Variants in ALMS1 observed in about 807,000 individuals in gnomAD.
ALMS1 encodes the protein centrosome-associated protein ALMS1.
ALMS1 carries 271 observed loss-of-function variants against 352.2 expected under a neutral mutation model. That is an observed-to-expected ratio of 0.77 (90% confidence interval 0.70 to 0.85). The LOEUF (loss-of-function observed/expected upper bound fraction) is 0.85. Ranked by LOEUF, ALMS1 falls within the 40% of genes least tolerant of loss-of-function variation. The pLI is 0.00. For missense variants in ALMS1, 5,445 were observed against 4,870.7 expected, an observed-to-expected ratio of 1.12 and a Z score of -3.51; for synonymous variants, 1,865 against 1,761.2, an observed-to-expected ratio of 1.06 and a Z score of -1.48.
intron 1 of ALMS1, among the ~76,000 whole-genome samples, chr2:73,390,147 C>T (rs774616297): frequency 4.6e-5 from 7 of 151,928 alleles, no homozygotes; most frequent in Admixed American, 1.3e-4. Context: ...AGATGATTTT[C>T]TGTATTAAAG....
Position 73,455,225 on chromosome 2 carries a change from A to G in ALMS1, c.7604A>G (p.Asp2535Gly), listed in dbSNP as rs756141375. 6.2e-7 allele frequency: 1 copy of G among 1,613,990 alleles called. No individual in the cohort carries two copies. The highest frequency in any genetic ancestry group is 8.5e-7 in the Non-Finnish European group (1 of 1,179,942). Residue 2535 changes from aspartate (D) to glycine (G), a missense_variant, in exon 9 of 23, where the codon GAT (aspartate) becomes GGT (glycine). Asp to Gly is a moderately conservative substitution (Grantham distance 94). Transcript: ENST00000613296. ...TACTCCATTTCAGAATTAAATGAAG[A>G]TGACAGGAGGAAAGTAGAAGAGATC... is the stretch of plus-strand genomic sequence containing the variant. ...CGYSISELNE[D>G]DRRKVEEIKA... is the part of the protein sequence containing the mutation.
intron 16 of ALMS1, among the ~76,000 whole-genome samples, chr2:73,588,398 G>C (rs1675353930): frequency 1.3e-5 from 2 of 151,862 alleles, no homozygotes; most frequent in Non-Finnish European, 2.9e-5. Context: ...CGTTCTCTCT[G>C]GTTCCCACTG....
At position 73,519,841 on chromosome 2, in the gene ALMS1, T is replaced by G. The variant is rs569181993; in HGVS notation, c.9606T>G (p.Thr3202=). 6.2e-7 allele frequency: 1 copy of G among 1,614,060 alleles called. No homozygotes were observed. The highest frequency in any genetic ancestry group is 1.3e-5 in the African/African-American group (1 of 75,028). ...FSEKLSSDAV[T]QITTESPEKT... is the part of the protein sequence containing the mutation. ...AAAAATTGTCATCTGATGCAGTCAC[T>G]CAGATAACAACAGAAAGTCCAGAAA... Residue 3202 remains threonine, a synonymous_variant, in exon 11 of 23, where the codon ACT becomes ACG. Transcript: ENST00000613296.
At chr2:73,579,756 T>C (rs1675134084) in intron 16 of ALMS1, among the ~76,000 whole-genome samples, 1 of 152,250 alleles carries the variant, frequency 6.6e-6, no homozygotes, top group South Asian at 2.1e-4. Flanking sequence ...CAATTAATTT[T>C]ACCGAGGATC....
chr2:73,515,651 T>C (rs1218254135), intron 10 of ALMS1, among the ~76,000 whole-genome samples: 1 of 152,070 alleles, frequency 6.6e-6, no homozygotes, highest in Admixed American at 6.6e-5. Flanking sequence ...AAAAGTTGAT[T>C]CTTCCAAAGA....
At chr2:73,574,184 G>A (rs1430701750) in intron 16 of ALMS1, among the ~76,000 whole-genome samples, 1 of 152,074 alleles carries the variant, frequency 6.6e-6, no homozygotes, top group Non-Finnish European at 1.5e-5. Flanking sequence ...TCTTAAAGAA[G>A]GCACCACAGT....
At chr2:73,600,967 T>A in intron 18 of ALMS1, 86 bp downstream of exon 18, 4 of 1,481,840 alleles carry the variant, frequency 2.7e-6, no homozygotes, top group Non-Finnish European at 2.8e-6. Context: ...TCCAAGTGAC[T>A]CTATGTGGTC....
intron 15 of ALMS1, 142 bp from the exon 16 acceptor site, chr2:73,572,120 G>T (rs183755738): frequency 1.4e-4 from 96 of 697,690 alleles, no homozygotes; most frequent in African/African-American, 1.3e-3. Context: ...AGTCTTTTGT[G>T]CAGGCAGTGA....
At chr2:73,422,824 A>G (rs1287657157) in intron 3 of ALMS1, 33 bp from the exon 4 acceptor site, 2 of 1,528,486 alleles carry the variant, frequency 1.3e-6, no homozygotes, top group Non-Finnish European at 1.8e-6. Context: ...AATTTTCAGC[A>G]TTACCCAGCA....
At chr2:73,513,873 C>T (rs1328637123) in intron 10 of ALMS1, among the ~76,000 whole-genome samples, 2 of 152,162 alleles carry the variant, frequency 1.3e-5, no homozygotes, top group African/African-American at 4.8e-5. Flanking sequence ...TGGGCACCTT[C>T]CTTACCCTAA....
At chr2:73,471,625 G>A (rs114104052) in intron 9 of ALMS1, among the ~76,000 whole-genome samples, 1,760 of 151,554 alleles carry the variant, frequency 0.012, 32 homozygotes, top group African/African-American at 0.04. Flanking sequence ...ATTCAATATC[G>A]CTAATCATCA....
upstream of ALMS1, chr2:73,385,797 A>G (rs1044954486): frequency 7.8e-6 from 5 of 637,232 alleles, no homozygotes; most frequent in Admixed American, 2.4e-5. Flanking sequence ...CACAACCGCC[A>G]GTCAGGGCTC....
At chr2:73,531,672 T>C (rs1367421440) in intron 11 of ALMS1, among the ~76,000 whole-genome samples, 1 of 152,234 alleles carries the variant, frequency 6.6e-6, no homozygotes, top group Non-Finnish European at 1.5e-5. Context: ...TGTATTCATT[T>C]TCACACTGCT....
chr2:73,480,957 T>G (rs1184534823), intron 9 of ALMS1, among the ~76,000 whole-genome samples: 1 of 149,414 alleles, frequency 6.7e-6, no homozygotes, highest in Non-Finnish European at 1.5e-5. Flanking sequence ...TTTGAGTTCA[T>G]TGTAGATTCT....
intron 9 of ALMS1, among the ~76,000 whole-genome samples, chr2:73,467,434 A>G (rs182391335): frequency 1.3e-5 from 2 of 152,242 alleles, no homozygotes; most frequent in East Asian, 1.9e-4. Flanking sequence ...CAGAGTAGCT[A>G]AAATTAAAAA....
chr2:73,594,447 G>T (rs991062783), intron 16 of ALMS1, among the ~76,000 whole-genome samples: 1 of 152,186 alleles, frequency 6.6e-6, no homozygotes, highest in South Asian at 2.1e-4. Flanking sequence ...ACACCCTGTG[G>T]TGCACACCAT....
At chr2:73,578,050 T>G (rs1375862001) in intron 16 of ALMS1, among the ~76,000 whole-genome samples, 1 of 152,176 alleles carries the variant, frequency 6.6e-6, no homozygotes. Context: ...TTCATATATT[T>G]TAGGGCTCTG....
At chr2:73,544,639 A>G (rs544840350) in intron 12 of ALMS1, among the ~76,000 whole-genome samples, 1 of 152,308 alleles carries the variant, frequency 6.6e-6, no homozygotes, top group Admixed American at 6.5e-5. Flanking sequence ...TACGGAAAAC[A>G]TTGTGGCTAT....
chr2:73,482,194 G>C (rs887486370), intron 9 of ALMS1, among the ~76,000 whole-genome samples: 2 of 152,210 alleles, frequency 1.3e-5, no homozygotes, highest in Non-Finnish European at 2.9e-5. Flanking sequence ...TGGGCATTCA[G>C]TATGATATTG....
Sources: gnomAD v4.1 joint callset for allele counts (sites outside exome capture counted in the v4.1 genomes callset) on GRCh38, gnomAD v4.1.1 for gene constraint, MANE v1.5 for transcripts, NCBI Gene and HGNC (gene_info 2026-07-23, HGNC 2026-07-21) for gene names.